IARS1: variants seen among roughly 807,000 people sequenced by gnomAD.
IARS1 encodes the protein isoleucyl-tRNA synthetase 1.
IARS1 carries 124 observed loss-of-function variants against 168.2 expected under a neutral mutation model. The ratio of observed to expected loss-of-function variants is 0.74; its 90% confidence interval spans 0.64 to 0.86. IARS1 has a LOEUF of 0.86. Ranked by LOEUF, IARS1 falls within the 40% of genes least tolerant of loss-of-function variation. IARS1 has a pLI of 0.00. For synonymous variants in IARS1, 532 were observed against 529.4 expected (o/e 1.00, Z -0.07); for missense variants, 1,452 against 1,515.8 (o/e 0.96, Z 0.70).
chr9:92,272,392 T>C, intron 10 of IARS1, among the ~76,000 whole-genome samples: 1 of 152,220 alleles, frequency 6.6e-6, no homozygotes, highest in East Asian at 1.9e-4. Flanking sequence ...CCACTGAGTG[T>C]GGAGCAAGTA....
At chr9:92,267,883 G>A (rs777126899) in intron 14 of IARS1, among the ~76,000 whole-genome samples, 1 of 151,748 alleles carries the variant, frequency 6.6e-6, no homozygotes, top group Non-Finnish European at 1.5e-5. Context: ...AAAAGACATC[G>A]GGGAAACACA....
intron 30 of IARS1, among the ~76,000 whole-genome samples, chr9:92,235,676 G>A (rs959021261): frequency 2.2e-4 from 34 of 151,660 alleles, no homozygotes; most frequent in Admixed American, 1.6e-3. Flanking sequence ...ACAGGCACGC[G>A]CCACCATGCC....
At chr9:92,238,366 G>C (rs1233503084) in intron 30 of IARS1, among the ~76,000 whole-genome samples, 1 of 152,178 alleles carries the variant, frequency 6.6e-6, no homozygotes, top group African/African-American at 2.4e-5. Context: ...GAATGGCTTG[G>C]TACCCTTGTT....
rs1464223428 is a variant in IARS1, at chr9:92,242,151, C to T, written c.3177+3G>A. ...TAGTAGTTCAGTGGAACTCAGGACT[C>T]ACCTGTGTTTTTTCTTGAATAAGGA... On this transcript the variant is annotated splice_donor_region_variant and intron_variant, in intron 29 of 33. Coordinates refer to ENST00000443024, the MANE Select transcript of IARS1 (RefSeq NM_002161.6). 12 of 1,610,474 alleles carry T rather than the reference C, an allele frequency of 7.5e-6. No homozygotes were observed. The East Asian group carries it at 2.5e-4, about 33-fold the overall frequency.
At chr9:92,220,349 A>G (rs2133380050) in intron 33 of IARS1, among the ~76,000 whole-genome samples, 5 of 146,218 alleles carry the variant, frequency 3.4e-5, no homozygotes, top group African/African-American at 7.6e-5. Context: ...GCGCACCAGC[A>G]TGGCACATGT....
intron 30 of IARS1, among the ~76,000 whole-genome samples, chr9:92,233,897 GA>G (rs1171290677): frequency 2.6e-5 from 4 of 152,074 alleles, no homozygotes; most frequent in African/African-American, 9.7e-5. Flanking sequence ...AAGTAGCTGG[GA>G]CTAAAGGCGA....
chr9:92,253,431 C>T lies in IARS1; in HGVS notation c.2160G>A (p.Val720=). The T allele has an allele frequency of 3.1e-6, 5 of 1,613,316 alleles. No individual in the cohort carries two copies. Among genetic ancestry groups the T allele is most frequent in the Non-Finnish European group, 4.2e-6 (5 of 1,179,294 alleles). Residue 720 remains valine (V), a synonymous_variant, in exon 21 of 34, where the codon GTG becomes GTA. Transcript: ENST00000443024. ...TATCTACAAACTTGACCAGGCGAGG[C>T]ACCACAGTATAAAGCCTATAAGCTA... ...EMAAYRLYTV[V]PRLVKFVDIL...
intron 33 of IARS1, among the ~76,000 whole-genome samples, chr9:92,214,992 G>A (rs1222805104): frequency 4.6e-5 from 7 of 152,158 alleles, no homozygotes; most frequent in Non-Finnish European, 8.8e-5. Context: ...CAAAAAGACA[G>A]CAGTAACCTC....
At chr9:92,267,711 T>A (rs1832478895) in intron 14 of IARS1, among the ~76,000 whole-genome samples, 3 of 152,020 alleles carry the variant, frequency 2.0e-5, no homozygotes, top group South Asian at 2.1e-4. Flanking sequence ...ACATAGTATA[T>A]CCACATACAT....
At chr9:92,240,473 A>AGGCT (rs1332102772) in intron 30 of IARS1, 2 of 544,870 alleles carry the variant, frequency 3.7e-6, no homozygotes, top group African/African-American at 3.9e-5. Flanking sequence ...CATGTTTATC[A>AGGCT]GGTCTTGAAC....
chr9:92,210,813 G>A lies in IARS1; in HGVS notation c.3783C>T (p.Asp1261=). The A allele has an allele frequency of 1.2e-6, 2 of 1,600,456 alleles. No individual in the cohort carries two copies. Among genetic ancestry groups the A allele is most frequent in the Non-Finnish European group, 1.7e-6 (2 of 1,167,600 alleles). Reference sequence around the variant, plus strand: ...CAACATTGATAAGTACATGCTAGAAGTCTGCTGTTGTTGGTAACACAGAAA... The same window carrying A: ...CAACATTGATAAGTACATGCTAGAAATCTGCTGTTGTTGGTAACACAGAAA... ...VYVSVLPTTA[D]F is the part of the protein sequence containing the mutation. The change falls in exon 34 of 34, where the codon GAC becomes GAT. Residue 1261 remains aspartate (D), a synonymous_variant. Transcript: ENST00000443024.
At chr9:92,247,867 A>G (rs1218703364) in intron 25 of IARS1, among the ~76,000 whole-genome samples, 2 of 152,244 alleles carry the variant, frequency 1.3e-5, no homozygotes, top group African/African-American at 4.8e-5. Context: ...GCAAATCCAG[A>G]GATAGCAAAT....
chr9:92,282,839 C>CACACATATAT (rs1554730503), intron 6 of IARS1, among the ~76,000 whole-genome samples: 2 of 142,254 alleles, frequency 1.4e-5, no homozygotes, highest in African/African-American at 5.2e-5. Flanking sequence ...CATACACACA[C>CACACATATAT]ATATATATAT....
Position 92,253,438 on chromosome 9 carries a change from G to A in IARS1, c.2153C>T (p.Thr718Ile), listed in dbSNP as rs147703118. Reference protein sequence around the residue: ...ETEMAAYRLYTVVPRLVKFVD... With the variant: ...ETEMAAYRLYIVVPRLVKFVD... Reference sequence around the variant, plus strand: ...AAACTTGACCAGGCGAGGCACCACAGTATAAAGCCTATAAGCTAAAAGTAA... The same window carrying A: ...AAACTTGACCAGGCGAGGCACCACAATATAAAGCCTATAAGCTAAAAGTAA... The change falls in exon 21 of 34, where the codon ACT (threonine) becomes ATT (isoleucine). Residue 718 changes from threonine to isoleucine, a missense_variant. By Grantham distance (89) the Thr-to-Ile change is moderately conservative (BLOSUM62 -1). Coordinates refer to ENST00000443024, the MANE Select transcript of IARS1 (RefSeq NM_002161.6). 1.5e-5 allele frequency: 24 copies of A among 1,612,436 alleles called. No individual in the cohort carries two copies. The highest frequency in any genetic ancestry group is 2.0e-5 in the Non-Finnish European group (24 of 1,178,678).
intron 26 of IARS1, among the ~76,000 whole-genome samples, chr9:92,245,808 C>T (rs1037183443): frequency 4.0e-5 from 6 of 151,380 alleles, no homozygotes; most frequent in African/African-American, 1.5e-4. Context: ...GCTTTGTCAC[C>T]CAGGCTGCAG....
At chr9:92,279,688 T>A (rs1238528192) in intron 7 of IARS1, among the ~76,000 whole-genome samples, 1 of 152,254 alleles carries the variant, frequency 6.6e-6, no homozygotes, top group Non-Finnish European at 1.5e-5. Flanking sequence ...TAACCATTCT[T>A]ACACAGAATT....
chr9:92,263,061 A>G lies in IARS1; in HGVS notation c.1701-6T>C, dbSNP rs1241010549. The G allele has an allele frequency of 5.6e-6, 9 of 1,601,560 alleles. No individual in the cohort carries two copies. The highest frequency in any genetic ancestry group is 6.8e-6 in the Non-Finnish European group (8 of 1,168,724). On this transcript the variant is annotated splice_polypyrimidine_tract_variant and splice_region_variant and intron_variant, in intron 16 of 33. Transcript: ENST00000443024. Reference sequence around the variant, plus strand: ...GCACCAGCAGGGTATAAAACCTGAAAAAAAACCCCAAACAGTTCAATAAAA... The same window carrying G: ...GCACCAGCAGGGTATAAAACCTGAAGAAAAACCCCAAACAGTTCAATAAAA...
chr9:92,286,655 G>T (rs772270832), intron 4 of IARS1, 37 bp from the exon 5 acceptor site: 4 of 1,099,992 alleles, frequency 3.6e-6, no homozygotes, highest in Non-Finnish European at 5.4e-6. Flanking sequence ...ATTAGACAAT[G>T]ATATTTATAA....
intron 22 of IARS1, 33 bp from the exon 23 acceptor site, chr9:92,250,867 T>C (rs1829919113): frequency 3.2e-6 from 5 of 1,571,758 alleles, no homozygotes; most frequent in East Asian, 2.2e-5. Flanking sequence ...ATGTCAGTTA[T>C]ATGCAGTCAT....
Sources: gnomAD v4.1 joint callset for allele counts (sites outside exome capture counted in the v4.1 genomes callset) on GRCh38, gnomAD v4.1.1 for gene constraint, MANE v1.5 for transcripts, NCBI Gene and HGNC (gene_info 2026-07-23, HGNC 2026-07-21) for gene names.